APBA2: variants seen among roughly 807,000 people sequenced by gnomAD.
APBA2 encodes amyloid beta precursor protein binding family A member 2.
Under a neutral mutation model 75.0 loss-of-function variants are expected in APBA2, and 30 were observed. That is an observed-to-expected ratio of 0.40 (90% CI 0.30 to 0.54). The LOEUF is 0.54. APBA2 is among the 20% of genes least tolerant of loss of function. The pLI, the probability that APBA2 is intolerant of heterozygous loss-of-function variation, is 0.49. For synonymous variants in APBA2, 444 were observed against 409.6 expected, an observed-to-expected ratio of 1.08 and a Z score of -1.01; for missense variants, 801 against 1,016.1, an observed-to-expected ratio of 0.79 and a Z score of 2.88.
chr15:29,001,075 T>G (rs1466184097), intron 3 of APBA2, among the ~76,000 whole-genome samples: 11 of 152,090 alleles, frequency 7.2e-5, no homozygotes, highest in Non-Finnish European at 1.6e-4. Context: ...TCCACAGCCC[T>G]CCTGCCTGGC....
chr15:29,109,336 C>T (rs1183645304), intron 13 of APBA2, among the ~76,000 whole-genome samples: 1 of 152,128 alleles, frequency 6.6e-6, no homozygotes, highest in East Asian at 1.9e-4. Flanking sequence ...CATCTCTGAC[C>T]CTGCTGTGTC....
chr15:29,021,988 C>T (rs754012770), intron 3 of APBA2, among the ~76,000 whole-genome samples: 41 of 152,150 alleles, frequency 2.7e-4, no homozygotes, highest in African/African-American at 6.8e-4. Context: ...TTTTAAAAGC[C>T]GAATAACACT....
At position 28,987,731 on chromosome 15, in the gene APBA2, T is replaced by G. The variant is rs756394644; in HGVS notation, c.-94-8022T>G. Among the ~76,000 whole-genome samples the G allele has an allele frequency of 2.7e-3, 357 of 133,364 alleles. 1 individual carries two copies. Among genetic ancestry groups the G allele is most frequent in the Middle Eastern group, 0.015 (4 of 266 alleles). 87.5% of individuals were successfully genotyped at this position (133,364 alleles called of 152,430 possible). ...GTGTCAAAGAATATGTGGAGAGAGA[T>G]ATATATATATATATATATATATTCT... is the stretch of plus-strand genomic sequence containing the variant. On this transcript the variant is annotated intron_variant, in intron 2 of 14. Coordinates refer to ENST00000683413, the MANE Select transcript of APBA2 (RefSeq NM_001353788.2).
At chr15:28,945,106 G>A (rs576572728) in intron 2 of APBA2, among the ~76,000 whole-genome samples, 1 of 152,234 alleles carries the variant, frequency 6.6e-6, no homozygotes, top group Non-Finnish European at 1.5e-5. Flanking sequence ...CAGAGCATGC[G>A]GAGATCCACC....
At chr15:29,037,784 T>G (rs1260411703) in intron 3 of APBA2, among the ~76,000 whole-genome samples, 1 of 152,122 alleles carries the variant, frequency 6.6e-6, no homozygotes, top group Non-Finnish European at 1.5e-5. Context: ...GTGAGGGCCT[T>G]TGTGCTGCCT....
chr15:29,088,824 TCGACTTGTCTCAG>T (rs1235234020), intron 6 of APBA2, among the ~76,000 whole-genome samples: 13 of 152,142 alleles, frequency 8.5e-5, no homozygotes, highest in Admixed American at 8.5e-4. Context: ...CTCCCCACCC[TCGACTTGTCTCAG>T]CTGCTGGCCC....
chr15:29,049,530 T>C (rs1416039002), intron 3 of APBA2, among the ~76,000 whole-genome samples: 1 of 152,084 alleles, frequency 6.6e-6, no homozygotes, highest in Non-Finnish European at 1.5e-5. Flanking sequence ...GGGTGGACAT[T>C]TTCCCTGGAA....
intron 2 of APBA2, among the ~76,000 whole-genome samples, chr15:28,986,658 G>C (rs1248621736): frequency 6.6e-6 from 1 of 152,076 alleles, no homozygotes; most frequent in Non-Finnish European, 1.5e-5. Flanking sequence ...GTAGAGACGG[G>C]GTTTCACCAT....
At chr15:29,060,831 C>T (rs950492137) in intron 4 of APBA2, among the ~76,000 whole-genome samples, 1 of 152,010 alleles carries the variant, frequency 6.6e-6, no homozygotes, top group Non-Finnish European at 1.5e-5. Flanking sequence ...GAGTTGGGTC[C>T]AGCAAGGCTC....
At chr15:29,105,923 C>G (rs948500484) in intron 11 of APBA2, among the ~76,000 whole-genome samples, 1 of 152,214 alleles carries the variant, frequency 6.6e-6, no homozygotes, top group Non-Finnish European at 1.5e-5. Flanking sequence ...GTAGCAGAGG[C>G]CTTAGCTGGT....
chr15:29,017,444 A>G (rs973861246), intron 3 of APBA2, among the ~76,000 whole-genome samples: 1 of 116,036 alleles, frequency 8.6e-6, no homozygotes, highest in African/African-American at 3.5e-5. Flanking sequence ...TCTGTTGCCC[A>G]CTGCAACCTC....
chr15:28,929,319 C>T (rs923656353), intron 2 of APBA2, among the ~76,000 whole-genome samples: 3 of 152,138 alleles, frequency 2.0e-5, no homozygotes, highest in East Asian at 1.9e-4. Flanking sequence ...GGATAAATAA[C>T]GAGGCCAAGC....
chr15:28,924,335 G>A (rs545953377), intron 2 of APBA2, among the ~76,000 whole-genome samples: 1 of 152,172 alleles, frequency 6.6e-6, no homozygotes, highest in Non-Finnish European at 1.5e-5. Context: ...TGCATTTGCA[G>A]TGTTGGGCAC....
chr15:29,018,862 A>G (rs1416941686), intron 3 of APBA2, among the ~76,000 whole-genome samples: 1 of 152,180 alleles, frequency 6.6e-6, no homozygotes, highest in Non-Finnish European at 1.5e-5. Context: ...ACTTGCTGCC[A>G]GTGACCTTGC....
chr15:29,002,788 AGGGTGGCGTCTT>A (rs2038916091), intron 3 of APBA2, among the ~76,000 whole-genome samples: 1 of 152,124 alleles, frequency 6.6e-6, no homozygotes, highest in Non-Finnish European at 1.5e-5. Context: ...ACTGCAGGAA[AGGGTGGCGTCTT>A]GGTGGCCGCA....
intron 6 of APBA2, among the ~76,000 whole-genome samples, chr15:29,089,732 C>G (rs977690283): frequency 6.6e-6 from 1 of 152,150 alleles, no homozygotes; most frequent in Non-Finnish European, 1.5e-5. Context: ...GAACCTGGAG[C>G]GCCTTATTCT....
In APBA2 at chr15:29,105,492, C is replaced by T; in HGVS notation, c.1638C>T (p.Ile546=). 6.2e-7 allele frequency: 1 copy of T among 1,613,966 alleles called. No homozygotes were observed. Among genetic ancestry groups the T allele is most frequent in the Non-Finnish European group, 8.5e-7 (1 of 1,180,038 alleles). Residue 546 remains isoleucine, a synonymous_variant, in exon 11 of 15, where the codon ATC becomes ATT. Coordinates refer to ENST00000683413, the MANE Select transcript of APBA2 (RefSeq NM_001353788.2). ...TGAGCCAGAAGGAATACAGCGACATCATCAACACCCAGGAGATGTACAACG... is the reference window on the plus strand; with the variant it reads ...TGAGCCAGAAGGAATACAGCGACATTATCAACACCCAGGAGATGTACAACG... The part of the protein sequence containing the change: ...EDLSQKEYSD[I]INTQEMYNDD...
chr15:28,952,365 A>G (rs1344117956), intron 2 of APBA2, among the ~76,000 whole-genome samples: 1 of 152,052 alleles, frequency 6.6e-6, no homozygotes, highest in Admixed American at 6.5e-5. Context: ...CCTTGTCTCT[A>G]CAAAAAAATT....
chr15:28,981,466 A>T (rs981466928), intron 2 of APBA2, among the ~76,000 whole-genome samples: 3 of 152,238 alleles, frequency 2.0e-5, no homozygotes, highest in Non-Finnish European at 2.9e-5. Context: ...ATACCATCTC[A>T]CATCAGTCAG....
Sources: gnomAD v4.1 joint callset for allele counts (sites outside exome capture counted in the v4.1 genomes callset) on GRCh38, gnomAD v4.1.1 for gene constraint, MANE v1.5 for transcripts, NCBI Gene and HGNC (gene_info 2026-07-23, HGNC 2026-07-21) for gene names.